Variants in PLBD1 observed in about 807,000 individuals in gnomAD.
PLBD1 encodes the protein lysosomal leucine aminopeptidase.
PLBD1 carries 60 observed loss-of-function variants against 63.0 expected under a neutral mutation model. The observed-to-expected ratio is 0.95, with a 90% CI of 0.77 to 1.18. PLBD1 has a LOEUF of 1.18. PLBD1 is among the 50% of genes most tolerant of loss of function. The pLI is 0.00. For synonymous variants in PLBD1, 262 were observed against 248.0 expected (o/e 1.06, Z -0.53); for missense variants, 598 against 677.9 (o/e 0.88, Z 1.31).
chr12:14,554,795 C>T (rs1565580703), intron 1 of PLBD1, among the ~76,000 whole-genome samples: 1 of 152,028 alleles, frequency 6.6e-6, no homozygotes, highest in African/African-American at 2.4e-5. Context: ...TGGGACACTA[C>T]ACCCTCCCCA....
intron 4 of PLBD1, 122 bp downstream of exon 4, chr12:14,540,642 G>C (rs576363209): frequency 1.8e-6 from 2 of 1,096,472 alleles, no homozygotes; most frequent in Non-Finnish European, 2.5e-6. Flanking sequence ...GTTCTTTTCC[G>C]TAAGGAATTT....
chr12:14,553,839 C>G (rs967932052), intron 1 of PLBD1: 3 of 196,706 alleles, frequency 1.5e-5, no homozygotes, highest in African/African-American at 7.0e-5. Flanking sequence ...TGACTGAGCG[C>G]TCAGCTTCAG....
chr12:14,506,102 T>A lies in PLBD1; in HGVS notation c.1479+60A>T. On this transcript the variant is annotated intron_variant, in intron 10 of 10. Transcript: ENST00000240617. ...CCTGCCATAAAAACCTGTGCAACTT[T>A]GCCTTTGGAGAGGCCTGTGTGCTGG... The A allele has an allele frequency of 2.6e-6, 3 of 1,171,658 alleles. No homozygotes were observed. In the South Asian group the frequency reaches 4.4e-5, roughly 17 times the overall value. The allele number at this position is 1,171,658 out of a possible 1,614,324, so 72.6% of individuals were successfully genotyped here.
chr12:14,556,200 G>C (rs1945702146), intron 1 of PLBD1, among the ~76,000 whole-genome samples: 1 of 152,140 alleles, frequency 6.6e-6, no homozygotes, highest in African/African-American at 2.4e-5. Flanking sequence ...CTCAGTGGAT[G>C]GATGTTGTAT....
At chr12:14,550,697 G>A (rs1017138322) in intron 2 of PLBD1, among the ~76,000 whole-genome samples, 1 of 151,990 alleles carries the variant, frequency 6.6e-6, no homozygotes, top group African/African-American at 2.4e-5. Context: ...TGACCAACAT[G>A]GGGAAACCCC....
Position 14,511,303 on chromosome 12 carries a change from A to G in PLBD1, c.1143T>C (p.Pro381=). ...TTTGTTCAGAATATTCTACATATGT[A>G]GGAATTTGCTCCACAATGTACAGAG... ...KGTLYIVEQI[P]TYVEYSEQTD... The change falls in exon 8 of 11, where the codon CCT becomes CCC. Residue 381 remains proline, a synonymous_variant. Coordinates refer to ENST00000240617, the MANE Select transcript of PLBD1 (RefSeq NM_024829.6). 2 of 1,609,992 alleles carry G rather than the reference A, an allele frequency of 1.2e-6. No homozygotes were observed. The highest frequency in any genetic ancestry group is 1.7e-6 in the Non-Finnish European group (2 of 1,178,666).
chr12:14,555,549 A>G (rs1323053709), intron 1 of PLBD1, among the ~76,000 whole-genome samples: 1 of 152,112 alleles, frequency 6.6e-6, no homozygotes, highest in Non-Finnish European at 1.5e-5. Flanking sequence ...AAAAACAAAA[A>G]AACAAAACAA....
intron 1 of PLBD1, among the ~76,000 whole-genome samples, chr12:14,560,318 A>C: frequency 6.6e-6 from 1 of 152,250 alleles, no homozygotes; most frequent in Non-Finnish European, 1.5e-5. Context: ...ATGAAAGAGC[A>C]GGTAGTTTTC....
intron 1 of PLBD1, among the ~76,000 whole-genome samples, chr12:14,560,794 T>G (rs1945738234): frequency 6.6e-6 from 1 of 150,722 alleles, no homozygotes; most frequent in Admixed American, 6.6e-5. Context: ...AGAACAGGAG[T>G]GGTGGGCTGG....
intron 6 of PLBD1, among the ~76,000 whole-genome samples, chr12:14,520,875 G>A (rs1175903469): frequency 6.6e-6 from 1 of 152,166 alleles, no homozygotes; most frequent in Non-Finnish European, 1.5e-5. Flanking sequence ...ACCCATTCTA[G>A]GGAGCTGCCT....
rs1226884319 is a variant in PLBD1 at position 14,544,029 on chromosome 12, G to GATCAGCAATATGCTTGCTGATC, written c.336-1739_336-1738insGATCAGCAAGCATATTGCTGAT. On this transcript the variant is annotated intron_variant, in intron 2 of 10. Coordinates refer to ENST00000240617, the MANE Select transcript of PLBD1 (RefSeq NM_024829.6). Reference sequence around the variant, plus strand: ...GGTATCTTCTGACACTATTGCTGATGATCAGCAATATGCTTCCTGCTGAAA... The same window carrying GATCAGCAATATGCTTGCTGATC: ...GGTATCTTCTGACACTATTGCTGATGATCAGCAATATGCTTGCTGATCATCAGCAATATGCTTCCTGCTGAAA... 7.6e-5 allele frequency among the ~76,000 whole-genome samples: 11 copies of GATCAGCAATATGCTTGCTGATC among 144,746 alleles called. No individual in the cohort carries two copies. The East Asian group carries it at 1.2e-3, about 15-fold the overall frequency. 95.0% of individuals were successfully genotyped at this position (144,746 alleles called of 152,430 possible).
intron 2 of PLBD1, among the ~76,000 whole-genome samples, chr12:14,542,721 G>T (rs2136925445): frequency 6.6e-6 from 1 of 152,136 alleles, no homozygotes. Context: ...ATAATGTATA[G>T]AATTATTTAT....
At chr12:14,521,651 A>C (rs1945377227) in intron 6 of PLBD1, among the ~76,000 whole-genome samples, 1 of 152,120 alleles carries the variant, frequency 6.6e-6, no homozygotes, top group African/African-American at 2.4e-5. Context: ...TGCAGGCAAA[A>C]ATCTTTTCCT....
chr12:14,532,752 C>T (rs946966661), intron 6 of PLBD1, among the ~76,000 whole-genome samples: 2 of 152,118 alleles, frequency 1.3e-5, no homozygotes, highest in Non-Finnish European at 2.9e-5. Flanking sequence ...GGCTCTGCCA[C>T]CTTGGTCAGT....
intron 4 of PLBD1, among the ~76,000 whole-genome samples, chr12:14,537,912 G>T (rs1945532618): frequency 6.6e-6 from 1 of 151,874 alleles, no homozygotes; most frequent in Non-Finnish European, 1.5e-5. Context: ...CATTTTCTCA[G>T]GTACTACCAT....
intron 1 of PLBD1, among the ~76,000 whole-genome samples, chr12:14,567,082 G>A (rs1486267116): frequency 6.6e-6 from 1 of 152,120 alleles, no homozygotes; most frequent in African/African-American, 2.4e-5. Context: ...CCCACAGAGA[G>A]CGACTCTGTC....
chr12:14,523,143 A>C (rs145794321), intron 6 of PLBD1, among the ~76,000 whole-genome samples: 4 of 152,256 alleles, frequency 2.6e-5, no homozygotes, highest in African/African-American at 9.6e-5. Context: ...AGAACTAATA[A>C]GTAAATTGAG....
intron 8 of PLBD1, 86 bp from the exon 9 acceptor site, chr12:14,507,204 GTTCA>G: frequency 1.9e-6 from 2 of 1,055,050 alleles, no homozygotes; most frequent in South Asian, 3.3e-5. Flanking sequence ...TGTTATCCAT[GTTCA>G]TTTATTTTGA....
chr12:14,532,472 G>C (rs1323780560), intron 6 of PLBD1, among the ~76,000 whole-genome samples: 1 of 152,192 alleles, frequency 6.6e-6, no homozygotes, highest in Non-Finnish European at 1.5e-5. Flanking sequence ...GTAGCATAGA[G>C]CCCTGAACAT....
Sources: allele counts gnomAD v4.1 joint callset (sites outside exome capture counted in the v4.1 genomes callset), GRCh38; gene constraint gnomAD v4.1.1; transcripts MANE v1.5; gene names NCBI Gene and HGNC (gene_info 2026-07-23, HGNC 2026-07-21).